The following PDE1C variants were observed in gnomAD, a reference collection of about 807,000 sequenced individuals.
PDE1C encodes the protein phosphodiesterase 1C.
Under a neutral mutation model 93.1 loss-of-function variants are expected in PDE1C, and 62 were observed. The observed-to-expected ratio is 0.67, with a 90% CI of 0.54 to 0.82. The LOEUF is 0.82. Among genes scored for constraint, PDE1C ranks in the 40% least tolerant of loss-of-function variants. The pLI, the probability that PDE1C is intolerant of heterozygous loss-of-function variation, is 0.00. For synonymous variants in PDE1C, 325 were observed against 310.1 expected (o/e 1.05, Z -0.50); for missense variants, 742 against 884.6 (o/e 0.84, Z 2.04).
At chr7:32,196,209 A>C (rs765500551) in intron 2 of PDE1C, among the ~76,000 whole-genome samples, 1 of 152,136 alleles carries the variant, frequency 6.6e-6, no homozygotes, top group Non-Finnish European at 1.5e-5. Context: ...CAGCCTTGTG[A>C]GGGTGGACAT....
chr7:31,747,875 A>C, downstream of PDE1C, among the ~76,000 whole-genome samples: 1 of 147,980 alleles, frequency 6.8e-6, no homozygotes. Flanking sequence ...AAAAAAAATC[A>C]GTCTTGGGTT....
the PDE1C span, among the ~76,000 whole-genome samples, chr7:31,722,386 T>C: frequency 1.3e-5 from 2 of 152,336 alleles, no homozygotes; most frequent in Admixed American, 1.3e-4. Flanking sequence ...CAAATACTTA[T>C]TGAACACTGG....
intron 2 of PDE1C, among the ~76,000 whole-genome samples, chr7:31,887,618 G>A (rs144295681): frequency 9.2e-5 from 14 of 152,214 alleles, no homozygotes; most frequent in African/African-American, 2.6e-4. Flanking sequence ...GGCATGGACC[G>A]GACACTGCAC....
At chr7:32,424,558 G>A (rs1359869805) in intron 1 of PDE1C, among the ~76,000 whole-genome samples, 1 of 152,202 alleles carries the variant, frequency 6.6e-6, no homozygotes, top group Non-Finnish European at 1.5e-5. Flanking sequence ...TGAGGCGGGT[G>A]GATCACTTGA....
the PDE1C span, among the ~76,000 whole-genome samples, chr7:31,680,266 A>G: frequency 6.6e-6 from 1 of 152,226 alleles, no homozygotes; most frequent in African/African-American, 2.4e-5. Context: ...ATGATACTCA[A>G]AAAAGAATAA....
chr7:32,205,718 G>GT (rs1584954442), intron 2 of PDE1C, among the ~76,000 whole-genome samples: 1 of 152,122 alleles, frequency 6.6e-6, no homozygotes. Context: ...TTTATGAGCT[G>GT]TAACACTCAT....
chr7:31,955,598 T>A (rs1055537492), intron 2 of PDE1C, among the ~76,000 whole-genome samples: 4 of 152,284 alleles, frequency 2.6e-5, no homozygotes, highest in African/African-American at 9.6e-5. Flanking sequence ...TCTTAAAATT[T>A]AAAAATTCCA....
intron 1 of PDE1C, among the ~76,000 whole-genome samples, chr7:32,326,402 T>TA (rs952493633): frequency 8.5e-5 from 13 of 152,124 alleles, no homozygotes; most frequent in African/African-American, 2.9e-4. Flanking sequence ...GACCAAGGAC[T>TA]AAACTCTAGG....
intron 3 of PDE1C, among the ~76,000 whole-genome samples, chr7:32,165,576 G>A (rs963254844): frequency 6.6e-6 from 1 of 152,166 alleles, no homozygotes; most frequent in African/African-American, 2.4e-5. Context: ...AGAGTAAGCA[G>A]GGGAAATGCC....
At chr7:32,170,093 A>G (rs1267644259) in intron 2 of PDE1C, 1 of 741,246 alleles carries the variant, frequency 1.3e-6, no homozygotes, top group Non-Finnish European at 2.2e-6. Flanking sequence ...AACATTACAG[A>G]GTTGTAACCA....
the PDE1C span, among the ~76,000 whole-genome samples, chr7:31,660,461 T>C: frequency 3.9e-5 from 6 of 152,164 alleles, no homozygotes; most frequent in Non-Finnish European, 7.4e-5. Context: ...AAAGGTTAGA[T>C]TGTTCTGGAG....
chr7:32,108,228 G>GAT (rs1437687888), intron 3 of PDE1C, among the ~76,000 whole-genome samples: 2 of 9,998 alleles, frequency 2.0e-4, no homozygotes, highest in African/African-American at 1.3e-3. Flanking sequence ...AAAAAAGCAA[G>GAT]ACAAAAAAAA....
intron 1 of PDE1C, among the ~76,000 whole-genome samples, chr7:32,251,192 A>G (rs1809346926): frequency 6.6e-6 from 1 of 152,316 alleles, no homozygotes; most frequent in Non-Finnish European, 1.5e-5. Context: ...CCAGCTGGAT[A>G]CACTCCCACA....
intron 16 of PDE1C, chr7:31,783,509 A>AT (rs1284464457): frequency 6.6e-6 from 1 of 152,034 alleles, no homozygotes; most frequent in Non-Finnish European, 1.5e-5. Flanking sequence ...AAGTCTTTTC[A>AT]TTTTTCCAAT....
chr7:32,309,565 A>T (rs1276561072), intron 1 of PDE1C, among the ~76,000 whole-genome samples: 1 of 152,246 alleles, frequency 6.6e-6, no homozygotes, highest in Admixed American at 6.5e-5. Flanking sequence ...CAGAAACTCT[A>T]CAAGCCAGAA....
intron 2 of PDE1C, among the ~76,000 whole-genome samples, chr7:31,990,523 T>C (rs561464228): frequency 6.6e-6 from 1 of 152,236 alleles, no homozygotes; most frequent in East Asian, 1.9e-4. Flanking sequence ...AGGTTAGACT[T>C]CCCAGAAGAA....
chr7:31,617,687 G>GATTTAT, the PDE1C span, among the ~76,000 whole-genome samples: 26 of 152,082 alleles, frequency 1.7e-4, no homozygotes, highest in African/African-American at 6.0e-4. Context: ...GTCATTTTCT[G>GATTTAT]ATTTATATTA....
chr7:32,368,144 A>G (rs1372295072), intron 1 of PDE1C, among the ~76,000 whole-genome samples: 1 of 152,188 alleles, frequency 6.6e-6, no homozygotes, highest in African/African-American at 2.4e-5. Flanking sequence ...CAGAGCAATT[A>G]GTCAAGAGAA....
chr7:32,269,573 G>A (rs1473842782), intron 1 of PDE1C, among the ~76,000 whole-genome samples: 6 of 152,038 alleles, frequency 3.9e-5, no homozygotes, highest in African/African-American at 9.7e-5. Flanking sequence ...TCTGCCTCCC[G>A]GGTTCAAGCG....
Sources: gnomAD v4.1 joint callset for allele counts (sites outside exome capture counted in the v4.1 genomes callset) on GRCh38, gnomAD v4.1.1 for gene constraint, MANE v1.5 for transcripts, NCBI Gene and HGNC (gene_info 2026-07-23, HGNC 2026-07-21) for gene names.